Variants in SENP7 observed in about 807,000 individuals in gnomAD.
SENP7 encodes SUMO specific peptidase 7, also known as sentrin-specific protease 7.
SENP7 carries 64 observed loss-of-function variants against 141.2 expected under a neutral mutation model. The observed-to-expected ratio is 0.45, with a 90% confidence interval of 0.37 to 0.56. SENP7 has a LOEUF of 0.56. SENP7 is among the 20% of genes least tolerant of loss of function. The pLI is 0.00. For synonymous variants in SENP7, 382 were observed against 426.4 expected, an observed-to-expected ratio of 0.90 and a Z score of 1.28; for missense variants, 1,025 against 1,212.2, an observed-to-expected ratio of 0.85 and a Z score of 2.29.
chr3:101,513,206 GGGAAA>G lies in SENP7; in HGVS notation c.-81_-77del. On this transcript the variant is annotated 5_prime_UTR_variant, in exon 1 of 24. Coordinates refer to ENST00000394095, the MANE Select transcript of SENP7 (RefSeq NM_020654.5). The stretch of plus-strand genomic sequence containing the variant: ...CTCCGGCTTGGAGAGGGAGGGGGAG[GGGAAA>G]GGAAAAAAAAAAAAAAAAAAAAAAA... 2 of 608,646 alleles carry G rather than the reference GGGAAA, an allele frequency of 3.3e-6. No homozygotes were observed. The highest frequency in any genetic ancestry group is 4.2e-5 in the South Asian group (2 of 47,400). The allele number at this position is 608,646 out of a possible 1,614,324, so 37.7% of individuals were successfully genotyped here.
At chr3:101,473,391 C>T (rs1211844400) in intron 3 of SENP7, among the ~76,000 whole-genome samples, 2 of 152,138 alleles carry the variant, frequency 1.3e-5, no homozygotes, top group African/African-American at 4.8e-5. Context: ...ACCTCACCAC[C>T]ATCTGTTACT....
At chr3:101,411,375 A>C (rs1480259624) in intron 5 of SENP7, among the ~76,000 whole-genome samples, 2 of 152,184 alleles carry the variant, frequency 1.3e-5, no homozygotes, top group Admixed American at 1.3e-4. Flanking sequence ...GATGTTTGCA[A>C]TTTTCAATAT....
At chr3:101,454,314 C>A (rs1295694936) in intron 4 of SENP7, among the ~76,000 whole-genome samples, 2 of 152,162 alleles carry the variant, frequency 1.3e-5, no homozygotes, top group African/African-American at 4.8e-5. Flanking sequence ...GAGTTCAAGA[C>A]CAGCCTGGGC....
intron 6 of SENP7, among the ~76,000 whole-genome samples, chr3:101,388,672 A>G (rs1247412036): frequency 6.6e-6 from 1 of 152,192 alleles, no homozygotes; most frequent in Non-Finnish European, 1.5e-5. Flanking sequence ...AAATATCTGA[A>G]AAAGAATTCA....
intron 16 of SENP7, among the ~76,000 whole-genome samples, chr3:101,338,681 G>C (rs1203475407): frequency 6.6e-6 from 1 of 152,146 alleles, no homozygotes; most frequent in African/African-American, 2.4e-5. Flanking sequence ...AAAGTACCCA[G>C]GGATAGGGAA....
intron 4 of SENP7, among the ~76,000 whole-genome samples, chr3:101,455,299 G>A (rs576622244): frequency 3.1e-4 from 47 of 152,236 alleles, no homozygotes; most frequent in Admixed American, 5.2e-4. Flanking sequence ...TAGTAAGAAG[G>A]CCTAAATTTC....
intron 6 of SENP7, among the ~76,000 whole-genome samples, chr3:101,375,098 AT>A (rs908215580): frequency 9.9e-5 from 15 of 151,806 alleles, no homozygotes; most frequent in African/African-American, 2.2e-4. Context: ...TTAAAAAAAA[AT>A]TTTTTTTTCA....
intron 1 of SENP7, among the ~76,000 whole-genome samples, chr3:101,507,646 T>G (rs2065675119): frequency 7.2e-6 from 1 of 139,574 alleles, no homozygotes; most frequent in Admixed American, 7.9e-5. Context: ...CAATCTCCAT[T>G]GTTTCCTTTG....
At chr3:101,397,931 T>G (rs565437009) in intron 6 of SENP7, among the ~76,000 whole-genome samples, 1 of 152,306 alleles carries the variant, frequency 6.6e-6, no homozygotes, top group South Asian at 2.1e-4. Flanking sequence ...TGCCACAGAT[T>G]TTTTCTTATT....
rs77370105 is a variant in SENP7, at chr3:101,386,196, G to A, written c.677+12665C>T. On this transcript the variant is annotated intron_variant, in intron 6 of 23. Transcript: ENST00000394095. ...TGTAATTCAGCAGAGAACTGACAGG[G>A]AATCTCTCAGGCACAGAAAAAGGGA... Among the ~76,000 whole-genome samples, 1,180 of 152,246 alleles carry A rather than the reference G, an allele frequency of 7.8e-3. 21 individuals are homozygous for A. The highest frequency in any genetic ancestry group is 0.027 in the African/African-American group (1,140 of 41,532).
Position 101,479,800 on chromosome 3 carries a change from G to A in SENP7, c.186+14073C>T, listed in dbSNP as rs1263469750. 2.4e-5 allele frequency among the ~76,000 whole-genome samples: 3 copies of A among 127,252 alleles called. No homozygotes were observed. The East Asian group carries it at 6.9e-4, about 29-fold the overall frequency. 83.5% of individuals were successfully genotyped at this position (127,252 alleles called of 152,430 possible). A position where few individuals can be genotyped will look rare whatever the true frequency, so the allele number is the denominator to read the frequency against. ...AGCCTGGACAACAGAGTGAGACTCT[G>A]TCAAAAAAAAAAAAAAAAGTAGTGA... On this transcript the variant is annotated intron_variant, in intron 3 of 23. Transcript: ENST00000394095.
At position 101,337,631 on chromosome 3, in the gene SENP7, C is replaced by T. The variant is rs1300255237; in HGVS notation, c.2358G>A (p.Lys786=). The change falls in exon 17 of 24, where the codon AAG becomes AAA. Residue 786 remains lysine (K), a splice_region_variant and synonymous_variant. Coordinates refer to ENST00000394095, the MANE Select transcript of SENP7 (RefSeq NM_020654.5). ...LNDVIIDFYL[K]YLILEKASDE... ...CTGATGCCTTCTCCAATATAAGATA[C>T]CTGTAAAGTAGTAACCCCACAAAAG... 1.3e-6 allele frequency: 2 copies of T among 1,585,550 alleles called. No homozygotes were observed. Among genetic ancestry groups the T allele is most frequent in the South Asian group, 2.3e-5 (2 of 85,296 alleles).
intron 3 of SENP7, among the ~76,000 whole-genome samples, chr3:101,460,062 T>A (rs2063498856): frequency 6.6e-6 from 1 of 152,046 alleles, no homozygotes; most frequent in African/African-American, 2.4e-5. Flanking sequence ...TGAAAAGACA[T>A]CCCCTAATCA....
At chr3:101,349,452 T>C (rs1177587662) in intron 12 of SENP7, among the ~76,000 whole-genome samples, 1 of 152,196 alleles carries the variant, frequency 6.6e-6, no homozygotes, top group Non-Finnish European at 1.5e-5. Flanking sequence ...TTTTCCTGTG[T>C]CCATGTGTTC....
At chr3:101,326,200 A>C (rs1467074240) in intron 23 of SENP7, 120 bp from the exon 24 acceptor site, 4 of 791,232 alleles carry the variant, frequency 5.1e-6, no homozygotes, top group Non-Finnish European at 7.5e-6. Flanking sequence ...TTATATTAAG[A>C]TATAATTCAC....
intron 1 of SENP7, among the ~76,000 whole-genome samples, chr3:101,511,588 C>T (rs1310505998): frequency 6.6e-6 from 1 of 152,102 alleles, no homozygotes; most frequent in Non-Finnish European, 1.5e-5. Flanking sequence ...ACATATATAT[C>T]ATTTATACAT....
chr3:101,347,843 C>A, intron 13 of SENP7, 29 bp downstream of exon 13: 1 of 1,175,186 alleles, frequency 8.5e-7, no homozygotes, highest in South Asian at 2.5e-5. Context: ...TCAAGTTATC[C>A]TGAAATTTAG....
chr3:101,357,539 G>A (rs2059777549), intron 11 of SENP7: 9 of 1,415,522 alleles, frequency 6.4e-6, no homozygotes, highest in Non-Finnish European at 7.6e-6. Context: ...TTTCCAAAAA[G>A]TGATACTGAG....
chr3:101,425,045 C>T (rs1421734849), intron 4 of SENP7, among the ~76,000 whole-genome samples: 1 of 152,180 alleles, frequency 6.6e-6, no homozygotes, highest in Non-Finnish European at 1.5e-5. Context: ...CTTTCACCTT[C>T]TGCCATAATT....
Sources: allele counts gnomAD v4.1 joint callset (sites outside exome capture counted in the v4.1 genomes callset), GRCh38; gene constraint gnomAD v4.1.1; transcripts MANE v1.5; gene names NCBI Gene and HGNC (gene_info 2026-07-23, HGNC 2026-07-21).